The following RCAN2 variants were observed in gnomAD, a reference collection of about 807,000 sequenced individuals.
The protein encoded by RCAN2 is calcipressin-2.
A neutral mutation model predicts 23.6 loss-of-function variants in RCAN2; 9 were observed. That is an observed-to-expected ratio of 0.38 (90% confidence interval 0.23 to 0.67). The LOEUF (loss-of-function observed/expected upper bound fraction) is 0.67, where lower values mean the gene tolerates loss of function less well. Among genes scored for constraint, RCAN2 ranks in the 30% least tolerant of loss-of-function variants. The probability of loss-of-function intolerance (pLI) is 0.51; values close to 1 mark genes in which losing one functional copy is unlikely to be tolerated. For missense variants in RCAN2, 273 were observed against 302.3 expected (o/e 0.90, Z 0.72); for synonymous variants, 109 against 115.7 (o/e 0.94, Z 0.37).
intron 2 of RCAN2, among the ~76,000 whole-genome samples, chr6:46,443,252 T>C (rs1767605613): frequency 6.6e-6 from 1 of 152,154 alleles, no homozygotes; most frequent in Admixed American, 6.5e-5. Flanking sequence ...GTGATCCATT[T>C]TCCCACCCTC....
chr6:46,359,689 AG>A (rs1172506526), intron 2 of RCAN2, among the ~76,000 whole-genome samples: 3 of 152,234 alleles, frequency 2.0e-5, no homozygotes, highest in Non-Finnish European at 4.4e-5. Flanking sequence ...GATGCTGAAA[AG>A]ACAACCATTA....
intron 2 of RCAN2, among the ~76,000 whole-genome samples, chr6:46,442,276 A>C (rs1411700147): frequency 6.6e-6 from 1 of 152,208 alleles, no homozygotes; most frequent in East Asian, 1.9e-4. Context: ...ACATCTTTTA[A>C]AATTTGAAGT....
chr6:46,470,067 A>C (rs1461265739), intron 1 of RCAN2, among the ~76,000 whole-genome samples: 1 of 152,166 alleles, frequency 6.6e-6, no homozygotes, highest in African/African-American at 2.4e-5. Context: ...CTTCTTTTTA[A>C]ATTGCCTCAG....
chr6:46,459,059 G>A (rs1361396560), intron 1 of RCAN2, among the ~76,000 whole-genome samples: 5 of 152,104 alleles, frequency 3.3e-5, no homozygotes, highest in Non-Finnish European at 7.4e-5. Flanking sequence ...TACCACGCCC[G>A]GTTAGTTTTT....
chr6:46,298,631 A>G (rs1341654807), intron 2 of RCAN2, among the ~76,000 whole-genome samples: 1 of 152,106 alleles, frequency 6.6e-6, no homozygotes, highest in African/African-American at 2.4e-5. Flanking sequence ...TTAAAAAATT[A>G]CCCAACTTAA....
chr6:46,414,174 C>A (rs1257440887), intron 2 of RCAN2, among the ~76,000 whole-genome samples: 2 of 152,144 alleles, frequency 1.3e-5, no homozygotes, highest in Non-Finnish European at 2.9e-5. Flanking sequence ...ATTTTCTATT[C>A]TAAATATATT....
intron 2 of RCAN2, among the ~76,000 whole-genome samples, chr6:46,378,034 C>T (rs964873520): frequency 2.6e-5 from 4 of 152,122 alleles, no homozygotes; most frequent in Non-Finnish European, 5.9e-5. Context: ...ATCCACAAGC[C>T]CTGTCATAAC....
chr6:46,244,059 G>C (rs558586635), intron 4 of RCAN2, among the ~76,000 whole-genome samples: 1 of 152,072 alleles, frequency 6.6e-6, no homozygotes, highest in Non-Finnish European at 1.5e-5. Context: ...CTACAGCCTC[G>C]TTTCCAAATC....
chr6:46,334,143 C>T (rs1166178063), intron 2 of RCAN2, among the ~76,000 whole-genome samples: 3 of 152,224 alleles, frequency 2.0e-5, no homozygotes, highest in Non-Finnish European at 4.4e-5. Flanking sequence ...AAAGGCCTGT[C>T]TTAATCAGCC....
At chr6:46,480,823 T>C (rs569050959) in intron 1 of RCAN2, among the ~76,000 whole-genome samples, 2 of 152,234 alleles carry the variant, frequency 1.3e-5, no homozygotes, top group African/African-American at 2.4e-5. Flanking sequence ...AGGGTTTCAC[T>C]GTGTTAGCCA....
At chr6:46,487,948 G>C (rs1355749962) in intron 1 of RCAN2, among the ~76,000 whole-genome samples, 1 of 152,178 alleles carries the variant, frequency 6.6e-6, no homozygotes, top group Non-Finnish European at 1.5e-5. Context: ...TCCCTAGAGA[G>C]CATCTAACCG....
rs1766526705 is a variant in RCAN2, at chr6:46,246,766, C to T, written c.553G>A (p.Val185Met). 3.7e-6 allele frequency: 6 copies of T among 1,612,674 alleles called. No individual in the cohort carries two copies. The highest frequency in any genetic ancestry group is 1.3e-5 in the African/African-American group (1 of 74,818). The change falls in exon 4 of 5, where the codon GTG becomes ATG. Residue 185 changes from valine to methionine, a missense_variant. Physicochemically the swap from Val to Met is conservative, Grantham distance 21. Coordinates refer to ENST00000371374, the MANE Select transcript of RCAN2 (RefSeq NM_001251974.2). ...PVLNYDLLYA[V>M]AKLGPGEKYE... Reference sequence around the variant, plus strand: ...AGCTTACCTGGTCCTAGTTTGGCCACAGCATAGAGGAGGTCATAGTTGAGG... The same window carrying T: ...AGCTTACCTGGTCCTAGTTTGGCCATAGCATAGAGGAGGTCATAGTTGAGG...
At chr6:46,474,035 C>T (rs1456145155) in intron 1 of RCAN2, among the ~76,000 whole-genome samples, 1 of 152,100 alleles carries the variant, frequency 6.6e-6, no homozygotes, top group East Asian at 1.9e-4. Flanking sequence ...TGTGATTATG[C>T]AGGGACACCC....
chr6:46,286,951 G>C (rs1762393521), intron 2 of RCAN2, among the ~76,000 whole-genome samples: 1 of 152,010 alleles, frequency 6.6e-6, no homozygotes, highest in African/African-American at 2.4e-5. Flanking sequence ...GTTGCGGTGA[G>C]CCGAGATCGC....
At chr6:46,435,566 C>T (rs970789939) in intron 2 of RCAN2, among the ~76,000 whole-genome samples, 7 of 152,158 alleles carry the variant, frequency 4.6e-5, no homozygotes, top group African/African-American at 1.4e-4. Context: ...TCACAATTAA[C>T]GAATACTCAA....
At chr6:46,293,769 G>A (rs879314632) in intron 2 of RCAN2, among the ~76,000 whole-genome samples, 5 of 152,170 alleles carry the variant, frequency 3.3e-5, no homozygotes, top group Non-Finnish European at 5.9e-5. Context: ...GAAAGGGCTA[G>A]ATAATTTAGG....
intron 1 of RCAN2, among the ~76,000 whole-genome samples, chr6:46,458,891 G>GCA (rs1554142871): frequency 5.4e-5 from 7 of 129,826 alleles, no homozygotes; most frequent in East Asian, 2.7e-4. Flanking sequence ...GAAAACGCGC[G>GCA]CGCACGTGTG....
chr6:46,276,866 T>C (rs569147316), intron 2 of RCAN2, among the ~76,000 whole-genome samples: 63 of 152,326 alleles, frequency 4.1e-4, no homozygotes, highest in Admixed American at 1.4e-3. Context: ...CAAACATGTA[T>C]GTCATTTTGT....
At chr6:46,434,991 T>G (rs1329287253) in intron 2 of RCAN2, among the ~76,000 whole-genome samples, 1 of 152,222 alleles carries the variant, frequency 6.6e-6, no homozygotes, top group Non-Finnish European at 1.5e-5. Flanking sequence ...CCCATATTAG[T>G]TATATTTCTG....
Sources: allele counts gnomAD v4.1 joint callset (sites outside exome capture counted in the v4.1 genomes callset), GRCh38; gene constraint gnomAD v4.1.1; transcripts MANE v1.5; gene names NCBI Gene and HGNC (gene_info 2026-07-23, HGNC 2026-07-21).